UTRN: variants seen among roughly 807,000 people sequenced by gnomAD.
UTRN encodes the protein dystrophin-related protein 1.
In UTRN, 283 loss-of-function variants were observed where a neutral mutation model predicts 463.9. The observed-to-expected ratio is 0.61, with a 90% CI of 0.55 to 0.67. The LOEUF (loss-of-function observed/expected upper bound fraction) is 0.67, where lower values mean the gene tolerates loss of function less well. Ranked by LOEUF, UTRN falls within the 30% of genes least tolerant of loss-of-function variation. The pLI is 0.00. For missense variants in UTRN, 3,922 were observed against 4,084.3 expected, an observed-to-expected ratio of 0.96 and a Z score of 1.08; for synonymous variants, 1,442 against 1,431.5, an observed-to-expected ratio of 1.01 and a Z score of -0.17.
intron 52 of UTRN, among the ~76,000 whole-genome samples, chr6:144,692,897 C>T (rs1314499071): frequency 6.6e-6 from 1 of 151,952 alleles, no homozygotes; most frequent in African/African-American, 2.4e-5. Context: ...TAATTAGATC[C>T]CATTTATCAA....
chr6:144,850,403 T>A (rs1248552492), intron 74 of UTRN, among the ~76,000 whole-genome samples: 1 of 152,210 alleles, frequency 6.6e-6, no homozygotes, highest in East Asian at 1.9e-4. Context: ...CACTTTTTTT[T>A]TATTTTTTTC....
At chr6:144,663,238 TGCCA>T (rs902113444) in intron 51 of UTRN, among the ~76,000 whole-genome samples, 3 of 152,204 alleles carry the variant, frequency 2.0e-5, no homozygotes, top group African/African-American at 7.2e-5. Flanking sequence ...AAGATGTGCC[TGCCA>T]GCAAGCAGGT....
chr6:144,318,076 A>C (rs1047089053), intron 2 of UTRN, among the ~76,000 whole-genome samples: 2 of 151,354 alleles, frequency 1.3e-5, no homozygotes, highest in Non-Finnish European at 2.9e-5. Context: ...TTTTTTTAAC[A>C]CCCTGTGATA....
intron 54 of UTRN, among the ~76,000 whole-genome samples, chr6:144,744,324 G>A (rs1027640581): frequency 1.9e-4 from 19 of 101,916 alleles, no homozygotes; most frequent in South Asian, 1.5e-3. Flanking sequence ...ATATATATGT[G>A]TGTGTGTGTG....
At chr6:144,316,903 G>A (rs1156520852) in intron 2 of UTRN, among the ~76,000 whole-genome samples, 1 of 152,144 alleles carries the variant, frequency 6.6e-6, no homozygotes, top group Non-Finnish European at 1.5e-5. Context: ...ATAGGAAGTA[G>A]GATTTTGAAA....
chr6:144,429,481 T>C, intron 8 of UTRN, 100 bp from the exon 9 acceptor site: 2 of 1,091,640 alleles, frequency 1.8e-6, no homozygotes, highest in Non-Finnish European at 1.3e-6. Context: ...TTAGGTATTG[T>C]TTATGGGTAC....
intron 66 of UTRN, among the ~76,000 whole-genome samples, chr6:144,826,289 A>G (rs1373949181): frequency 6.6e-6 from 1 of 152,080 alleles, no homozygotes; most frequent in African/African-American, 2.4e-5. Flanking sequence ...GCACTTCACT[A>G]TAGGAGATGA....
At chr6:144,752,644 G>C (rs1791526043) in intron 56 of UTRN, among the ~76,000 whole-genome samples, 1 of 152,140 alleles carries the variant, frequency 6.6e-6, no homozygotes, top group Non-Finnish European at 1.5e-5. Context: ...TTTGCAAAGA[G>C]TGTTAATAAC....
At chr6:144,355,896 A>G (rs925915266) in intron 2 of UTRN, among the ~76,000 whole-genome samples, 2 of 152,244 alleles carry the variant, frequency 1.3e-5, no homozygotes, top group Admixed American at 1.3e-4. Flanking sequence ...ATGAAATAAT[A>G]TTTAGAACAT....
chr6:144,296,724 C>T (rs977843664), intron 2 of UTRN, among the ~76,000 whole-genome samples: 2 of 152,198 alleles, frequency 1.3e-5, no homozygotes, highest in Admixed American at 6.5e-5. Context: ...AATTCTGTCC[C>T]TTACACATTT....
In UTRN at chr6:144,462,846, C is replaced by G. The variant is rs747874110; in HGVS notation, c.3046C>G (p.Leu1016Val). 8 of 1,605,002 alleles carry G rather than the reference C, an allele frequency of 5.0e-6. No individual in the cohort carries two copies. The East Asian group carries it at 1.6e-4, about 31-fold the overall frequency. Reference sequence around the variant, plus strand: ...TCTACATTTGCTTGAGGAAATTGCTCTCACACTCAGAGCTTTTGAGGTAAA... The same window carrying G: ...TCTACATTTGCTTGAGGAAATTGCTGTCACACTCAGAGCTTTTGAGGTAAA... ...KDLHLLEEIA[L>V]TLRAFEADST... is the part of the protein sequence containing the mutation. The change falls in exon 23 of 75, where the codon CTC becomes GTC. Residue 1016 changes from leucine to valine, a missense_variant. By Grantham distance (32) the Leu-to-Val change is conservative. Around this residue, in one of 3 missense-constraint regions of UTRN, gnomAD observed 2,349 missense variants for 2,303.8 expected, o/e 1.02. Transcript: ENST00000367545.
chr6:144,812,483 A>G (rs904967835), intron 65 of UTRN, among the ~76,000 whole-genome samples: 1 of 152,178 alleles, frequency 6.6e-6, no homozygotes, highest in African/African-American at 2.4e-5. Context: ...TCAGTAGTGC[A>G]TAGATTTCAG....
rs1168649663 is a variant in UTRN at position 144,537,649 on chromosome 6, A to G, written c.6301A>G (p.Thr2101Ala). 3 of 1,612,790 alleles carry G rather than the reference A, an allele frequency of 1.9e-6. No homozygotes were observed. The highest frequency in any genetic ancestry group is 2.5e-6 in the Non-Finnish European group (3 of 1,179,558). Residue 2101 changes from threonine (T) to alanine (A), a missense_variant, in exon 44 of 75, where the codon ACA becomes GCA. Physicochemically the swap from Thr to Ala is moderately conservative, Grantham distance 58. Around this residue, in one of 3 missense-constraint regions of UTRN, gnomAD observed 2,349 missense variants for 2,303.8 expected, o/e 1.02. Transcript: ENST00000367545. Reference protein sequence around the residue: ...HQLDEIICWLTKAEHAMQKRS... With the variant: ...HQLDEIICWLAKAEHAMQKRS... ...GCTAGATGAGATTATCTGTTGGTTA[A>G]CAAAGGCTGAGCATGCTATGCAAAA...
At chr6:144,567,475 A>G (rs901778950) in intron 50 of UTRN, among the ~76,000 whole-genome samples, 1 of 152,152 alleles carries the variant, frequency 6.6e-6, no homozygotes, top group Non-Finnish European at 1.5e-5. Flanking sequence ...CACAGCCCCA[A>G]GAGAGATGCT....
chr6:144,774,499 G>A, intron 60 of UTRN, 135 bp downstream of exon 60: 1 of 734,996 alleles, frequency 1.4e-6, no homozygotes. Context: ...TCAAGGAGTT[G>A]GTTTTGTTTC....
At chr6:144,592,829 A>G (rs1803240082) in intron 51 of UTRN, among the ~76,000 whole-genome samples, 1 of 152,186 alleles carries the variant, frequency 6.6e-6, no homozygotes, top group African/African-American at 2.4e-5. Context: ...GAAAATCATA[A>G]CCCTGTTATA....
At position 144,472,774 on chromosome 6, in the gene UTRN, T is replaced by C. The variant is rs1161626338; in HGVS notation, c.3067-946T>C. ...AAATTGCATCTACTTACTTGCATTT[T>C]TTTTTTTTTTTTGAGACAGAGTCTT... On this transcript the variant is annotated intron_variant, in intron 23 of 74. Coordinates refer to ENST00000367545, the MANE Select transcript of UTRN (RefSeq NM_007124.3). Among the ~76,000 whole-genome samples the C allele has an allele frequency of 2.0e-5, 3 of 151,512 alleles. No homozygotes were observed. The East Asian group carries it at 5.8e-4, about 29-fold the overall frequency.
intron 61 of UTRN, among the ~76,000 whole-genome samples, chr6:144,788,567 T>G (rs945033044): frequency 1.4e-5 from 2 of 141,002 alleles, no homozygotes; most frequent in African/African-American, 5.7e-5. Flanking sequence ...TTCATAGTAT[T>G]TTTTTTTTTT....
chr6:144,670,161 G>A (rs2128677898), intron 51 of UTRN, among the ~76,000 whole-genome samples: 1 of 152,210 alleles, frequency 6.6e-6, no homozygotes, highest in East Asian at 1.9e-4. Flanking sequence ...GGAATTGATG[G>A]ATCAAATGGT....
Sources: allele counts gnomAD v4.1 joint callset (sites outside exome capture counted in the v4.1 genomes callset), GRCh38; gene constraint gnomAD v4.1.1; regional missense constraint gnomAD v4.1.1; transcripts MANE v1.5; gene names NCBI Gene and HGNC (gene_info 2026-07-23, HGNC 2026-07-21).